Variants in UNC79 observed in about 807,000 individuals in gnomAD.
UNC79 encodes unc-79 subunit of NALCN channel complex.
In UNC79, 37 loss-of-function variants were observed where a neutral mutation model predicts 283.1. The observed-to-expected ratio is 0.13, with a 90% CI of 0.10 to 0.17. The LOEUF (loss-of-function observed/expected upper bound fraction) is 0.17. Among genes scored for constraint, UNC79 ranks in the 10% least tolerant of loss-of-function variants. The probability of loss-of-function intolerance (pLI) is 1.00; values close to 1 mark genes in which losing one functional copy is unlikely to be tolerated. For synonymous variants in UNC79, 1,107 were observed against 1,200.2 expected (o/e 0.92, Z 1.61); for missense variants, 2,272 against 3,211.1 (o/e 0.71, Z 7.07).
intron 26 of UNC79, among the ~76,000 whole-genome samples, chr14:93,610,737 A>C (rs529278039): frequency 6.6e-6 from 1 of 151,590 alleles, no homozygotes; most frequent in Non-Finnish European, 1.5e-5. Flanking sequence ...CAGCCTCCCG[A>C]GTAGCTGGGA....
At chr14:93,488,919 G>A (rs1279810466) in intron 5 of UNC79, among the ~76,000 whole-genome samples, 1 of 152,176 alleles carries the variant, frequency 6.6e-6, no homozygotes, top group Admixed American at 6.5e-5. Flanking sequence ...CCATCACTTT[G>A]AGGGTTAGGG....
chr14:93,463,625 G>C (rs777661619), intron 1 of UNC79, among the ~76,000 whole-genome samples: 2 of 152,174 alleles, frequency 1.3e-5, no homozygotes, highest in South Asian at 4.1e-4. Context: ...GGAGCTGCTA[G>C]TAGGTTTTTG....
At chr14:93,707,109 TTAAG>T (rs1352037011), downstream of UNC79, 4 of 467,762 alleles carry the variant, frequency 8.6e-6, no homozygotes, top group African/African-American at 1.9e-5. Context: ...GGCTATCTGA[TTAAG>T]TGTTTCCTTA....
intron 1 of UNC79, among the ~76,000 whole-genome samples, chr14:93,364,801 G>A (rs184674830): frequency 1.8e-3 from 276 of 151,788 alleles, no homozygotes; most frequent in Non-Finnish European, 3.5e-3. Flanking sequence ...TTTTTTCCAG[G>A]TAGTTGCTAC....
chr14:93,498,238 G>A (rs1199634025), intron 7 of UNC79, among the ~76,000 whole-genome samples: 1 of 151,838 alleles, frequency 6.6e-6, no homozygotes, highest in Non-Finnish European at 1.5e-5. Context: ...CTGCACTCCA[G>A]CCTGGGTGAC....
chr14:93,540,977 CAATCCTG>C, intron 13 of UNC79, 146 bp downstream of exon 13: 2 of 946,786 alleles, frequency 2.1e-6, no homozygotes, highest in Non-Finnish European at 3.1e-6. Flanking sequence ...CAATAGCTGT[CAATCCTG>C]AGCTGCATGT....
Position 93,506,448 on chromosome 14 carries a change from G to T in UNC79, c.898+9162G>T, listed in dbSNP as rs114636478. On this transcript the variant is annotated intron_variant, in intron 7 of 48. Coordinates refer to ENST00000555664, the Ensembl canonical transcript of UNC79. Reference sequence around the variant, plus strand: ...ATCTTGGCCAGGCTAGCCTTGATTGGCAGTCATTTTATTTTTCATACTTTG... The same window carrying T: ...ATCTTGGCCAGGCTAGCCTTGATTGTCAGTCATTTTATTTTTCATACTTTG... Among the ~76,000 whole-genome samples, 1,335 of 151,814 alleles carry T rather than the reference G, an allele frequency of 8.8e-3. 19 individuals are homozygous for T. Among genetic ancestry groups the T allele is most frequent in the African/African-American group, 0.031 (1,278 of 41,414 alleles).
At chr14:93,634,606 C>A in intron 31 of UNC79, 1 of 1,614,088 alleles carries the variant, frequency 6.2e-7, no homozygotes, top group Non-Finnish European at 8.5e-7. Context: ...ATCAGTCTAG[C>A]GCCCCCCATA....
chr14:93,691,660 TG>T, intron 45 of UNC79, 88 bp from the exon 49 acceptor site: 1 of 1,427,664 alleles, frequency 7.0e-7, no homozygotes, highest in Non-Finnish European at 9.8e-7. Context: ...CTGTGCTCCC[TG>T]GCAAGACCAA....
At chr14:93,582,004 A>G (rs2063853620) in intron 19 of UNC79, among the ~76,000 whole-genome samples, 199 bp from the exon 20 acceptor site, 1 of 152,228 alleles carries the variant, frequency 6.6e-6, no homozygotes, top group Non-Finnish European at 1.5e-5. Flanking sequence ...ATGTTTCAGC[A>G]ATAGCGGATA....
chr14:93,552,820 G>A (rs928723684), intron 14 of UNC79, among the ~76,000 whole-genome samples: 3 of 152,130 alleles, frequency 2.0e-5, no homozygotes, highest in Non-Finnish European at 4.4e-5. Context: ...TATGAATTGG[G>A]TGAATTCCTC....
chr14:93,632,194 T>C lies in UNC79; in HGVS notation c.5716+1286T>C, dbSNP rs145514578. 5.1e-3 allele frequency among the ~76,000 whole-genome samples: 770 copies of C among 152,338 alleles called. 6 individuals carry two copies. Among genetic ancestry groups the C allele is most frequent in the African/African-American group, 0.018 (732 of 41,582 alleles). ...CTTCCTTTAAATAATTCAAATTCAG[T>C]TGTAATAAGGATTATGGAAATTCTA... is the stretch of plus-strand genomic sequence containing the variant. On this transcript the variant is annotated intron_variant, in intron 31 of 48. Transcript: ENST00000555664.
exon 30 of UNC79, chr14:93,622,330 G>C: frequency 6.2e-7 from 1 of 1,614,088 alleles, no homozygotes; most frequent in South Asian, 1.1e-5. Flanking sequence ...TTTCTTCTAA[G>C]GACTCAGGAA....
intron 6 of UNC79, 30 bp downstream of exon 6, chr14:93,496,496 T>A: frequency 1.4e-6 from 2 of 1,467,278 alleles, no homozygotes; most frequent in Non-Finnish European, 1.8e-6. Context: ...TAACCCATAG[T>A]CACAAACTTA....
At chr14:93,471,886 G>GA (rs1405571042) in intron 2 of UNC79, among the ~76,000 whole-genome samples, 1 of 151,952 alleles carries the variant, frequency 6.6e-6, no homozygotes, top group Non-Finnish European at 1.5e-5. Flanking sequence ...TACAGGAAGG[G>GA]AAAAATATCA....
At chr14:93,529,995 C>T (rs1046824999) in intron 10 of UNC79, among the ~76,000 whole-genome samples, 1 of 151,918 alleles carries the variant, frequency 6.6e-6, no homozygotes, top group African/African-American at 2.4e-5. Flanking sequence ...CTGACAAACA[C>T]AGAGGAAAAA....
At position 93,621,964 on chromosome 14, in the gene UNC79, C is replaced by G; in HGVS notation, c.4731C>G (p.Val1577=). The change falls in exon 30 of 49, where the codon GTC becomes GTG. Residue 1577 remains valine, a synonymous_variant. Coordinates refer to ENST00000555664, the Ensembl canonical transcript of UNC79. The surrounding 1 kb of genome is among the most constrained non-coding windows in gnomAD (Gnocchi z 4.8). ...GGTTTCCAGATGCTCGAAGGCCTGT[C>G]ATACCAGAGGTTAGGTTAAACTGTA... 2 of 1,614,018 alleles carry G rather than the reference C, an allele frequency of 1.2e-6. No individual in the cohort carries two copies.
rs541433663 is a variant in UNC79 at position 93,419,003 on chromosome 14, G to A, written c.-350-48668G>A. Among the ~76,000 whole-genome samples, 455 of 151,798 alleles carry A rather than the reference G, an allele frequency of 3.0e-3. 2 individuals are homozygous for A. Among genetic ancestry groups the A allele is most frequent in the African/African-American group, 9.2e-3 (382 of 41,482 alleles). ...GTGAGGCAATGCATCGCCCTGTTTC[G>A]GCTCATGCACGGTGCGCTGCACCCA... On this transcript the variant is annotated intron_variant, in intron 1 of 49. Coordinates refer to the UNC79 transcript ENST00000256339.
Position 93,688,862 on chromosome 14 carries a change from G to C in UNC79, c.7085+22G>C, listed in dbSNP as rs1415916781. On this transcript the variant is annotated intron_variant, in intron 44 of 48. Coordinates refer to ENST00000555664, the Ensembl canonical transcript of UNC79. The surrounding 1 kb of genome is among the most constrained non-coding windows in gnomAD (Gnocchi z 4.0). Reference sequence around the variant, plus strand: ...AAGGGTAAGACCCTTACTATTCCGGGAATGAGGGTAAAGAAGGCAGGAGAC... The same window carrying C: ...AAGGGTAAGACCCTTACTATTCCGGCAATGAGGGTAAAGAAGGCAGGAGAC... The C allele has an allele frequency of 4.4e-6, 7 of 1,607,552 alleles. No homozygotes were observed. The South Asian group carries it at 7.8e-5, about 18-fold the overall frequency.
Sources: gnomAD v4.1 joint callset for allele counts (sites outside exome capture counted in the v4.1 genomes callset) on GRCh38, gnomAD v4.1.1 for gene constraint, Gnocchi (gnomAD v3.1) non-coding constraint, MANE v1.5 for transcripts, NCBI Gene and HGNC (gene_info 2026-07-23, HGNC 2026-07-21) for gene names.